The following GPC6 variants were observed in gnomAD, a reference collection of about 807,000 sequenced individuals.
GPC6 encodes the protein glypican 6.
GPC6 carries 14 observed loss-of-function variants against 55.2 expected under a neutral mutation model. The ratio of observed to expected loss-of-function variants is 0.25; its 90% CI spans 0.17 to 0.40. GPC6 has a LOEUF of 0.40. GPC6 is among the 10% of genes least tolerant of loss of function. GPC6 has a pLI of 1.00. For synonymous variants in GPC6, 278 were observed against 259.6 expected (o/e 1.07, Z -0.68); for missense variants, 641 against 708.5 (o/e 0.90, Z 1.08).
At chr13:93,922,621 T>C (rs1189260386) in intron 3 of GPC6, among the ~76,000 whole-genome samples, 2 of 152,168 alleles carry the variant, frequency 1.3e-5, no homozygotes, top group Admixed American at 1.3e-4. Context: ...AATAAAAATG[T>C]CTCTAGACAT....
At chr13:93,981,174 A>T (rs1364000758) in intron 3 of GPC6, among the ~76,000 whole-genome samples, 1 of 152,162 alleles carries the variant, frequency 6.6e-6, no homozygotes, top group African/African-American at 2.4e-5. Flanking sequence ...ATCGTTGATC[A>T]CTGATTTCAG....
In GPC6 at chr13:94,107,552, C is replaced by A. The variant is rs908209628; in HGVS notation, c.877+79658C>A. ...AACCTCAGGCAAGACATTTCACCAA[C>A]CTTTTTCTTTTTCTATTTCTTTCTC... is the stretch of plus-strand genomic sequence containing the variant. On this transcript the variant is annotated intron_variant, in intron 4 of 8. Transcript: ENST00000377047. Among the ~76,000 whole-genome samples the A allele has an allele frequency of 3.3e-5, 5 of 150,218 alleles. No individual in the cohort carries two copies. The Admixed American group carries it at 3.4e-4, about 10-fold the overall frequency.
chr13:93,529,376 A>G (rs1184143030), intron 1 of GPC6, among the ~76,000 whole-genome samples: 2 of 152,080 alleles, frequency 1.3e-5, no homozygotes, highest in Non-Finnish European at 2.9e-5. Context: ...CCTGAAATCA[A>G]TGCTGTCCTT....
At chr13:93,714,896 C>A (rs992551330) in intron 2 of GPC6, among the ~76,000 whole-genome samples, 2 of 151,540 alleles carry the variant, frequency 1.3e-5, no homozygotes, top group Non-Finnish European at 1.5e-5. Flanking sequence ...AGTCCCTTTT[C>A]TTTATCATGT....
At chr13:93,651,722 G>A (rs1189472243) in intron 2 of GPC6, among the ~76,000 whole-genome samples, 1 of 152,116 alleles carries the variant, frequency 6.6e-6, no homozygotes, top group Non-Finnish European at 1.5e-5. Flanking sequence ...TTTCTGGGTG[G>A]TATCCTTGCT....
intron 1 of GPC6, among the ~76,000 whole-genome samples, chr13:93,307,545 A>G (rs925944080): frequency 6.6e-6 from 1 of 152,158 alleles, no homozygotes; most frequent in African/African-American, 2.4e-5. Context: ...ATACCTATGT[A>G]TGGAAAGAGC....
In GPC6 at chr13:93,279,897, G is replaced by A. The variant is rs1001727827; in HGVS notation, c.160+52281G>A. Among the ~76,000 whole-genome samples, 5 of 152,280 alleles carry A rather than the reference G, an allele frequency of 3.3e-5. No homozygotes were observed. The East Asian group carries it at 9.6e-4, about 29-fold the overall frequency. On this transcript the variant is annotated intron_variant, in intron 1 of 8. Coordinates refer to ENST00000377047, the MANE Select transcript of GPC6 (RefSeq NM_005708.5). The stretch of plus-strand genomic sequence containing the variant: ...TCTGTCATAGTATCTTAAATGAATT[G>A]TTTGGGTTTTGATTGTGATCTGTGT...
chr13:93,874,562 T>C (rs1169237898), intron 3 of GPC6, among the ~76,000 whole-genome samples: 2 of 150,022 alleles, frequency 1.3e-5, no homozygotes, highest in African/African-American at 2.5e-5. Flanking sequence ...TCATTGCAAA[T>C]AGAAAGGGAT....
intron 1 of GPC6, among the ~76,000 whole-genome samples, chr13:93,295,543 C>T (rs1354820403): frequency 2.0e-5 from 3 of 151,754 alleles, no homozygotes; most frequent in South Asian, 2.1e-4. Flanking sequence ...TGCAGTGGCG[C>T]GATCTCGGCT....
intron 4 of GPC6, among the ~76,000 whole-genome samples, chr13:94,075,932 T>C (rs1291520646): frequency 1.3e-5 from 2 of 152,106 alleles, no homozygotes; most frequent in Admixed American, 1.3e-4. Context: ...AGAATGCAGA[T>C]ACCTCTTTGC....
chr13:93,347,460 C>T (rs1300471425), intron 1 of GPC6, among the ~76,000 whole-genome samples: 1 of 152,126 alleles, frequency 6.6e-6, no homozygotes, highest in Non-Finnish European at 1.5e-5. Context: ...AGCCCCAAGT[C>T]TTCAGTATCA....
chr13:94,214,426 T>G (rs933815519), intron 4 of GPC6, among the ~76,000 whole-genome samples: 1 of 152,240 alleles, frequency 6.6e-6, no homozygotes, highest in East Asian at 1.9e-4. Context: ...ATCAACAAAT[T>G]GAATTTTTTA....
chr13:93,488,929 C>T (rs896164852), intron 1 of GPC6, among the ~76,000 whole-genome samples: 8 of 151,922 alleles, frequency 5.3e-5, no homozygotes, highest in African/African-American at 1.7e-4. Context: ...TTGCCTGTTC[C>T]CGCTGATGGT....
chr13:94,233,879 G>A (rs929209935), intron 4 of GPC6, among the ~76,000 whole-genome samples: 1 of 151,994 alleles, frequency 6.6e-6, no homozygotes, highest in Non-Finnish European at 1.5e-5. Context: ...GCATATATAG[G>A]ATTTGGTACT....
Position 93,501,028 on chromosome 13 carries a change from G to C in GPC6, c.161-44235G>C, listed in dbSNP as rs540208837. On this transcript the variant is annotated intron_variant, in intron 1 of 8. Transcript: ENST00000377047. ...TTTCTGTACTATCTGAGAGATGCCA[G>C]TATCTTATCCACACACGAGAACTTT... 3.9e-4 allele frequency among the ~76,000 whole-genome samples: 60 copies of C among 152,244 alleles called. 5 individuals are homozygous for C. In the South Asian group the frequency reaches 0.012, roughly 31 times the overall value.
intron 2 of GPC6, among the ~76,000 whole-genome samples, chr13:93,577,371 A>T (rs1479888214): frequency 6.6e-6 from 1 of 152,140 alleles, no homozygotes; most frequent in Admixed American, 6.6e-5. Flanking sequence ...ACAAAAGCAC[A>T]TGGCTATGTG....
intron 2 of GPC6, among the ~76,000 whole-genome samples, chr13:93,719,882 C>T (rs1883391044): frequency 6.6e-6 from 1 of 152,132 alleles, no homozygotes; most frequent in East Asian, 1.9e-4. Flanking sequence ...TGATGGATTA[C>T]ATTTATTGAT....
intron 4 of GPC6, among the ~76,000 whole-genome samples, chr13:94,095,011 C>T (rs1885612229): frequency 6.6e-6 from 1 of 151,994 alleles, no homozygotes; most frequent in Non-Finnish European, 1.5e-5. Context: ...TTCTGTCTGG[C>T]AATCATATTA....
intron 2 of GPC6, among the ~76,000 whole-genome samples, chr13:93,706,335 C>T (rs1183147257): frequency 6.6e-6 from 1 of 151,830 alleles, no homozygotes; most frequent in Admixed American, 6.6e-5. Flanking sequence ...AATTTTTAAC[C>T]AGTTATACCC....
Sources: allele counts gnomAD v4.1 joint callset (sites outside exome capture counted in the v4.1 genomes callset), GRCh38; gene constraint gnomAD v4.1.1; transcripts MANE v1.5; gene names NCBI Gene and HGNC (gene_info 2026-07-23, HGNC 2026-07-21).